The following ACYP2 variants were observed in gnomAD, a reference collection of about 807,000 sequenced individuals.
ACYP2 encodes acylphosphatase-2.
A neutral mutation model predicts 11.2 loss-of-function variants in ACYP2; 12 were observed. That is an observed-to-expected ratio of 1.08 (90% CI 0.69 to 1.74). ACYP2 has a LOEUF of 1.74. ACYP2 is among the 40% of genes most tolerant of loss of function. The pLI, the probability that ACYP2 is intolerant of heterozygous loss-of-function variation, is 0.00. For missense variants in ACYP2, 134 were observed against 101.9 expected, an observed-to-expected ratio of 1.31 and a Z score of -1.35; for synonymous variants, 43 against 32.2, an observed-to-expected ratio of 1.33 and a Z score of -1.13.
In ACYP2 at chr2:54,276,420, T is replaced by C. The variant is rs112841787; in HGVS notation, c.405-28268T>C. Among the ~76,000 whole-genome samples, 915 of 152,282 alleles carry C rather than the reference T, an allele frequency of 6.0e-3. 10 individuals are homozygous for C. Among genetic ancestry groups the C allele is most frequent in the African/African-American group, 0.021 (868 of 41,566 alleles). Reference sequence around the variant, plus strand: ...TACACACTGGGGGAAAAATTACCCTTGCATTACCATGATGGAGTTACTAAA... The same window carrying C: ...TACACACTGGGGGAAAAATTACCCTCGCATTACCATGATGGAGTTACTAAA... On this transcript the variant is annotated intron_variant, in intron 6 of 6. Transcript: ENST00000607452.
chr2:54,274,115 AC>A (rs1203422499), intron 6 of ACYP2, among the ~76,000 whole-genome samples: 1 of 152,180 alleles, frequency 6.6e-6, no homozygotes, highest in Non-Finnish European at 1.5e-5. Context: ...TTACAGTTTC[AC>A]GTGGCTGGGG....
At chr2:53,979,199 G>A (rs1671634373) in intron 2 of ACYP2, among the ~76,000 whole-genome samples, 1 of 152,132 alleles carries the variant, frequency 6.6e-6, no homozygotes, top group Non-Finnish European at 1.5e-5. Context: ...AGATGTGGGG[G>A]TAGAACAGAG....
chr2:54,304,214 A>G (rs1296182743), intron 6 of ACYP2, among the ~76,000 whole-genome samples: 2 of 66,992 alleles, frequency 3.0e-5, no homozygotes, highest in Non-Finnish European at 5.6e-5. Context: ...CATTATATAT[A>G]TGTCTGTGTG....
chr2:54,255,650 C>G (rs759178976), intron 6 of ACYP2: 1 of 1,613,792 alleles, frequency 6.2e-7, no homozygotes, highest in African/African-American at 1.3e-5. Context: ...ATTTCTTCGC[C>G]TCCTGGCTTC....
chr2:54,246,509 C>T (rs188918174), intron 6 of ACYP2, among the ~76,000 whole-genome samples: 3,494 of 151,934 alleles, frequency 0.023, 51 homozygotes, highest in Non-Finnish European at 0.036. Flanking sequence ...AGATAGTCTT[C>T]CCCCATTTCA....
chr2:54,128,460 A>C (rs1016155165), intron 4 of ACYP2, among the ~76,000 whole-genome samples: 1 of 152,014 alleles, frequency 6.6e-6, no homozygotes, highest in Non-Finnish European at 1.5e-5. Flanking sequence ...GTGAAGCCAG[A>C]AGTTTGAGAC....
At position 54,268,387 on chromosome 2, in the gene ACYP2, C is replaced by T. The variant is rs115805774; in HGVS notation, c.405-36301C>T. 4.8e-3 allele frequency among the ~76,000 whole-genome samples: 733 copies of T among 152,162 alleles called. 10 individuals are homozygous for T. Among genetic ancestry groups the T allele is most frequent in the African/African-American group, 0.017 (700 of 41,490 alleles). ...GGTGTGGTGATTAAGGAAACCTGGT[C>T]GATTTATTTATACACTATTCCATTC... is the stretch of plus-strand genomic sequence containing the variant. On this transcript the variant is annotated intron_variant, in intron 6 of 6. Transcript: ENST00000607452.
At chr2:54,138,988 A>G (rs903101198) in intron 6 of ACYP2, among the ~76,000 whole-genome samples, 3 of 152,234 alleles carry the variant, frequency 2.0e-5, no homozygotes, top group African/African-American at 7.2e-5. Flanking sequence ...ATTGGACAGT[A>G]AGAATAGTAT....
At chr2:54,256,804 G>GTTTT in intron 6 of ACYP2, among the ~76,000 whole-genome samples, 2 of 148,874 alleles carry the variant, frequency 1.3e-5, no homozygotes, top group Non-Finnish European at 3.0e-5. Flanking sequence ...ACCATGCCCG[G>GTTTT]TTTTTTTGTT....
At chr2:54,104,795 A>G (rs1321435205) in intron 4 of ACYP2, among the ~76,000 whole-genome samples, 3 of 152,218 alleles carry the variant, frequency 2.0e-5, no homozygotes, top group South Asian at 4.1e-4. Flanking sequence ...TAATTACATT[A>G]AAATTTCTGG....
intron 2 of ACYP2, among the ~76,000 whole-genome samples, chr2:54,026,493 A>G (rs1674293925): frequency 6.6e-6 from 1 of 152,252 alleles, no homozygotes; most frequent in Non-Finnish European, 1.5e-5. Context: ...TATGGAAAAC[A>G]GTATGGAGAT....
chr2:54,087,606 C>G (rs1272363169), intron 4 of ACYP2, among the ~76,000 whole-genome samples: 3 of 152,218 alleles, frequency 2.0e-5, no homozygotes, highest in Non-Finnish European at 4.4e-5. Context: ...CTGCCTTGGC[C>G]TCCCACAGTG....
intron 2 of ACYP2, among the ~76,000 whole-genome samples, chr2:54,012,724 C>G (rs946049576): frequency 1.3e-5 from 2 of 152,156 alleles, no homozygotes; most frequent in Non-Finnish European, 2.9e-5. Flanking sequence ...TTTCCCAAGC[C>G]TCCCAGTTGC....
intron 6 of ACYP2, among the ~76,000 whole-genome samples, chr2:54,155,288 ATTTTAT>A (rs1682378439): frequency 6.6e-6 from 1 of 151,568 alleles, no homozygotes; most frequent in Non-Finnish European, 1.5e-5. Context: ...TCTAGTCTCT[ATTTTAT>A]TTATTTTTGC....
At chr2:54,194,374 T>C (rs1684365505) in intron 6 of ACYP2, among the ~76,000 whole-genome samples, 1 of 152,130 alleles carries the variant, frequency 6.6e-6, no homozygotes, top group Non-Finnish European at 1.5e-5. Flanking sequence ...CACTGTGTAA[T>C]GGATTTTAGT....
At chr2:54,010,749 T>C (rs1673319832) in intron 2 of ACYP2, among the ~76,000 whole-genome samples, 9 of 126,980 alleles carry the variant, frequency 7.1e-5, no homozygotes, top group Admixed American at 1.6e-4. Context: ...TTTTTTTTTT[T>C]TTTTTTTTTT....
chr2:54,166,559 G>A (rs1230005849), intron 6 of ACYP2, among the ~76,000 whole-genome samples: 2 of 152,164 alleles, frequency 1.3e-5, no homozygotes, highest in Non-Finnish European at 2.9e-5. Flanking sequence ...TAAAAAAATT[G>A]CTCATTATCA....
chr2:54,120,086 C>G (rs376581231), intron 4 of ACYP2, among the ~76,000 whole-genome samples: 7 of 152,356 alleles, frequency 4.6e-5, no homozygotes, highest in African/African-American at 1.7e-4. Context: ...GTCAATCTGA[C>G]TTATCACTGT....
At chr2:54,135,910 AG>A (rs1681201650) in intron 5 of ACYP2, among the ~76,000 whole-genome samples, 1 of 152,174 alleles carries the variant, frequency 6.6e-6, no homozygotes, top group Non-Finnish European at 1.5e-5. Flanking sequence ...TTATTTATTT[AG>A]TTTGGAGACG....
Sources: allele counts gnomAD v4.1 joint callset (sites outside exome capture counted in the v4.1 genomes callset), GRCh38; gene constraint gnomAD v4.1.1; transcripts MANE v1.5; gene names NCBI Gene and HGNC (gene_info 2026-07-23, HGNC 2026-07-21).